The following IL7 variants were observed in gnomAD, a reference collection of about 807,000 sequenced individuals.
IL7 encodes interleukin 7, also known as interleukin-7.
A neutral mutation model predicts 21.6 loss-of-function variants in IL7; 3 were observed. The observed-to-expected ratio is 0.14, with a 90% CI of 0.06 to 0.36. The LOEUF is 0.36. Among genes scored for constraint, IL7 ranks in the 10% least tolerant of loss-of-function variants. The pLI is 1.00. For missense variants in IL7, 175 were observed against 200.2 expected, an observed-to-expected ratio of 0.87 and a Z score of 0.76; for synonymous variants, 62 against 68.1, an observed-to-expected ratio of 0.91 and a Z score of 0.44.
intron 2 of IL7, among the ~76,000 whole-genome samples, chr8:78,764,447 T>TA (rs977887793): frequency 1.3e-5 from 2 of 151,922 alleles, no homozygotes; most frequent in African/African-American, 2.4e-5. Context: ...TTTAAATTGG[T>TA]AAAAAAGTCT....
chr8:78,715,305 A>G (rs762485159), downstream of IL7: 13 of 1,613,614 alleles, frequency 8.1e-6, no homozygotes, highest in East Asian at 2.7e-4. Context: ...AAAGAAAAAC[A>G]TATACTGAGA....
intron 3 of IL7, among the ~76,000 whole-genome samples, chr8:78,699,288 G>A (rs1445730041): frequency 1.3e-5 from 2 of 151,968 alleles, no homozygotes; most frequent in African/African-American, 2.4e-5. Flanking sequence ...GGGAAAAATT[G>A]TAACAGTGGA....
intron 2 of IL7, among the ~76,000 whole-genome samples, chr8:78,748,646 T>G (rs191448927): frequency 2.0e-5 from 3 of 152,252 alleles, no homozygotes; most frequent in Admixed American, 1.3e-4. Flanking sequence ...ATAAATTATG[T>G]GTTAGGTTTT....
At chr8:78,716,769 G>A (rs757733090), downstream of IL7, among the ~76,000 whole-genome samples, 20 of 152,136 alleles carry the variant, frequency 1.3e-4, no homozygotes, top group Non-Finnish European at 2.6e-4. Context: ...AACCCTCAAC[G>A]TTAGAGGAGG....
At chr8:78,737,878 T>C (rs1418016978) in intron 4 of IL7, among the ~76,000 whole-genome samples, 1 of 152,178 alleles carries the variant, frequency 6.6e-6, no homozygotes, top group Non-Finnish European at 1.5e-5. Context: ...ACATGTGTTA[T>C]GCCATTTAAT....
chr8:78,792,618 A>G (rs1813732647), intron 2 of IL7, among the ~76,000 whole-genome samples: 1 of 152,156 alleles, frequency 6.6e-6, no homozygotes, highest in African/African-American at 2.4e-5. Flanking sequence ...AGATTTGAAT[A>G]AACAATTCTC....
chr8:78,739,832 T>C (rs1192320401), intron 3 of IL7, among the ~76,000 whole-genome samples, 170 bp downstream of exon 3: 1 of 152,152 alleles, frequency 6.6e-6, no homozygotes, highest in East Asian at 1.9e-4. Flanking sequence ...ACAGGACTAT[T>C]TGTAAAACAA....
intron 4 of IL7, among the ~76,000 whole-genome samples, chr8:78,684,286 G>T (rs1809882672): frequency 1.3e-5 from 2 of 152,156 alleles, no homozygotes; most frequent in South Asian, 4.1e-4. Context: ...TCACGTGTCT[G>T]GGGAGGCCTC....
intron 4 of IL7, among the ~76,000 whole-genome samples, chr8:78,684,370 G>T (rs2130474275): frequency 6.6e-6 from 1 of 152,278 alleles, no homozygotes; most frequent in South Asian, 2.1e-4. Context: ...TGTGTGCAGG[G>T]GAACTGCCCT....
At chr8:78,799,315 T>C (rs1813971187) in intron 1 of IL7, among the ~76,000 whole-genome samples, 1 of 152,132 alleles carries the variant, frequency 6.6e-6, no homozygotes. Flanking sequence ...TCCAGTAACA[T>C]TGTCATCTAT....
At chr8:78,775,394 G>T (rs1180165180) in intron 2 of IL7, among the ~76,000 whole-genome samples, 1 of 152,034 alleles carries the variant, frequency 6.6e-6, no homozygotes, top group South Asian at 2.1e-4. Flanking sequence ...TTCATCCAGG[G>T]CATTCATTCT....
At chr8:78,785,806 C>T (rs1455028101) in intron 2 of IL7, among the ~76,000 whole-genome samples, 1 of 152,178 alleles carries the variant, frequency 6.6e-6, no homozygotes, top group East Asian at 1.9e-4. Flanking sequence ...ATCCTCTTCT[C>T]ACTTATCACA....
At chr8:78,770,412 C>A (rs1239444994) in intron 2 of IL7, among the ~76,000 whole-genome samples, 1 of 152,036 alleles carries the variant, frequency 6.6e-6, no homozygotes, top group East Asian at 1.9e-4. Context: ...GACATGTTTC[C>A]CCTCTCTTAC....
chr8:78,697,783 A>G (rs1810475062), intron 3 of IL7, among the ~76,000 whole-genome samples: 1 of 150,752 alleles, frequency 6.6e-6, no homozygotes, highest in African/African-American at 2.4e-5. Context: ...GGTTCAAATG[A>G]TTCTCCTGCC....
intron 2 of IL7, among the ~76,000 whole-genome samples, chr8:78,744,287 G>C (rs1246585882): frequency 6.6e-6 from 1 of 152,034 alleles, no homozygotes; most frequent in African/African-American, 2.4e-5. Flanking sequence ...AGCGGGGATG[G>C]CTGGAGGCCC....
At chr8:78,764,981 AC>A (rs971353742) in intron 2 of IL7, among the ~76,000 whole-genome samples, 1 of 152,140 alleles carries the variant, frequency 6.6e-6, no homozygotes, top group Non-Finnish European at 1.5e-5. Flanking sequence ...GAAAAAACAG[AC>A]AAATAGATCA....
chr8:78,797,449 C>T (rs560431407), intron 2 of IL7, among the ~76,000 whole-genome samples: 263 of 151,964 alleles, frequency 1.7e-3, no homozygotes, highest in Middle Eastern at 3.4e-3. Context: ...ATGTGCCATA[C>T]TGATGTAAGA....
chr8:78,713,230 G>T (rs1811002193), downstream of IL7, among the ~76,000 whole-genome samples: 1 of 152,254 alleles, frequency 6.6e-6, no homozygotes, highest in East Asian at 1.9e-4. Flanking sequence ...TGTGGACTGT[G>T]TAAGACTGGG....
At chr8:78,762,427 G>C in intron 2 of IL7, 3 of 1,594,460 alleles carry the variant, frequency 1.9e-6, no homozygotes, top group Non-Finnish European at 1.7e-6. Context: ...GCAGAAGTTC[G>C]GCATCGTCGC....
Sources: gnomAD v4.1 joint callset for allele counts (sites outside exome capture counted in the v4.1 genomes callset) on GRCh38, gnomAD v4.1.1 for gene constraint, MANE v1.5 for transcripts, NCBI Gene and HGNC (gene_info 2026-07-23, HGNC 2026-07-21) for gene names.